Variants in ETFDH observed in about 807,000 individuals in gnomAD.
ETFDH encodes electron transfer flavoprotein-ubiquinone oxidoreductase, mitochondrial.
In ETFDH, 61 loss-of-function variants were observed where a neutral mutation model predicts 73.2. That is an observed-to-expected ratio of 0.83 (90% CI 0.68 to 1.03). ETFDH has a LOEUF of 1.03. ETFDH is among the 50% of genes least tolerant of loss of function. The pLI is 0.00. For missense variants in ETFDH, 685 were observed against 745.0 expected (o/e 0.92, Z 0.94); for synonymous variants, 243 against 253.3 (o/e 0.96, Z 0.39).
intron 5 of ETFDH, among the ~76,000 whole-genome samples, chr4:158,686,773 C>G (rs558028145): frequency 3.9e-5 from 6 of 152,078 alleles, no homozygotes; most frequent in Non-Finnish European, 7.4e-5. Context: ...GTTTCTGAGG[C>G]CTTCCAGTCT....
intron 1 of ETFDH, chr4:158,679,600 T>A (rs1773793271): frequency 6.6e-6 from 1 of 152,192 alleles, no homozygotes; most frequent in Admixed American, 6.5e-5. Context: ...TCTGTCTTTA[T>A]GAGGTTTGAT....
chr4:158,703,116 T>C (rs1412829472), intron 9 of ETFDH, among the ~76,000 whole-genome samples: 3 of 152,206 alleles, frequency 2.0e-5, no homozygotes, highest in African/African-American at 7.2e-5. Flanking sequence ...TGGATATGTG[T>C]AAATAAAACA....
intron 6 of ETFDH, among the ~76,000 whole-genome samples, chr4:158,694,525 C>T (rs1482110145): frequency 1.3e-5 from 2 of 150,168 alleles, no homozygotes; most frequent in African/African-American, 2.5e-5. Context: ...ACCCTGGAGG[C>T]GGAGGTTGCA....
chr4:158,706,348 A>T lies in ETFDH; in HGVS notation c.1445A>T (p.Glu482Val). 3 of 1,613,490 alleles carry T rather than the reference A, an allele frequency of 1.9e-6. No individual in the cohort carries two copies. Among genetic ancestry groups the T allele is most frequent in the Non-Finnish European group, 2.5e-6 (3 of 1,179,428 alleles). ...TTTTACTGGATATTGAGAGGAATGG[A>T]GCCGTGGACTCTGAAACATAAAGGT... is the stretch of plus-strand genomic sequence containing the variant. ...GIFYWILRGM[E>V]PWTLKHKGSD... The change falls in exon 11 of 13, where the codon GAG becomes GTG. Residue 482 changes from glutamate to valine, a missense_variant. By Grantham distance (121) the Glu-to-Val change is moderately radical. Coordinates refer to ENST00000511912, the MANE Select transcript of ETFDH (RefSeq NM_004453.4).
At chr4:158,694,032 G>A (rs1774246116) in intron 6 of ETFDH, among the ~76,000 whole-genome samples, 1 of 152,074 alleles carries the variant, frequency 6.6e-6, no homozygotes, top group Admixed American at 6.5e-5. Context: ...ACTCAATCTA[G>A]AATAGCTGGC....
intron 7 of ETFDH, among the ~76,000 whole-genome samples, chr4:158,696,842 G>A (rs1420221252): frequency 6.6e-6 from 1 of 152,174 alleles, no homozygotes; most frequent in Non-Finnish European, 1.5e-5. Flanking sequence ...TTTACATGGT[G>A]AACATATCCA....
chr4:158,684,331 A>G (rs1384491861), intron 3 of ETFDH, among the ~76,000 whole-genome samples: 1 of 151,484 alleles, frequency 6.6e-6, no homozygotes. Context: ...CAGAGGCTAC[A>G]GTGAGCTGAG....
In ETFDH at chr4:158,697,638, A is replaced by G. The variant is rs776108871; in HGVS notation, c.911A>G (p.Tyr304Cys). ...TVGWPLDRHT[Y>C]GGSFLYHLNE... ...GGTTGGCCCTTGGACAGACATACCTATGGAGGATCTTTCCTCTATCATTTG... is the reference window on the plus strand; with the variant it reads ...GGTTGGCCCTTGGACAGACATACCTGTGGAGGATCTTTCCTCTATCATTTG... Residue 304 changes from tyrosine (Y) to cysteine (C), a missense_variant, in exon 8 of 13, where the codon TAT (tyrosine) becomes TGT (cysteine). Physicochemically the swap from Tyr to Cys is radical, Grantham distance 194. Coordinates refer to ENST00000511912, the MANE Select transcript of ETFDH (RefSeq NM_004453.4). The G allele has an allele frequency of 6.2e-7, 1 of 1,613,414 alleles. No homozygotes were observed. Among genetic ancestry groups the G allele is most frequent in the South Asian group, 1.1e-5 (1 of 91,056 alleles).
chr4:158,703,556 A>C lies in ETFDH; in HGVS notation c.1250A>C (p.Gln417Pro). 1 of 1,608,346 alleles carries C rather than the reference A, an allele frequency of 6.2e-7. No homozygotes were observed. Among genetic ancestry groups the C allele is most frequent in the Non-Finnish European group, 8.5e-7 (1 of 1,174,888 alleles). ...TTAGCAGCAGAATCTATTTTTAATCAACTAACTAGTGAAAATCTCCAATCA... is the reference window on the plus strand; with the variant it reads ...TTAGCAGCAGAATCTATTTTTAATCCACTAACTAGTGAAAATCTCCAATCA... ...GILAAESIFNQLTSENLQSKT... is the reference protein window; with the variant it reads ...GILAAESIFNPLTSENLQSKT... Residue 417 changes from glutamine (Q) to proline (P), a missense_variant, in exon 10 of 13, where the codon CAA (glutamine) becomes CCA (proline). This residue lies in a region of ETFDH where 79 missense variants were observed against 120.5 expected (regional missense o/e 0.66). Transcript: ENST00000511912.
chr4:158,702,738 C>T (rs367778484), intron 9 of ETFDH, among the ~76,000 whole-genome samples: 9 of 152,100 alleles, frequency 5.9e-5, no homozygotes, highest in Non-Finnish European at 1.3e-4. Context: ...AGTTTGATTC[C>T]GTATCTTGGC....
rs777646291 is a variant in ETFDH, at chr4:158,695,537, C to T, written c.725C>T (p.Thr242Ile). 1 of 1,613,160 alleles carries T rather than the reference C, an allele frequency of 6.2e-7. No homozygotes were observed. Among genetic ancestry groups the T allele is most frequent in the East Asian group, 2.2e-5 (1 of 44,806 alleles). Residue 242 changes from threonine (T) to isoleucine (I), a missense_variant, in exon 7 of 13, where the codon ACA becomes ATA. Physicochemically the swap from Thr to Ile is moderately conservative, Grantham distance 89. Around this residue, in one of 3 missense-constraint regions of ETFDH, gnomAD observed 405 missense variants for 399.3 expected, o/e 1.01. Transcript: ENST00000511912. Reference sequence around the variant, plus strand: ...GGACTGGAACTACATGCTAAAGTCACAATTTTTGCAGAAGGTTGCCATGGA... The same window carrying T: ...GGACTGGAACTACATGCTAAAGTCATAATTTTTGCAGAAGGTTGCCATGGA... ...ERGLELHAKV[T>I]IFAEGCHGHL...
chr4:158,695,761 A>T, intron 7 of ETFDH, 118 bp downstream of exon 7: 1 of 742,762 alleles, frequency 1.3e-6, no homozygotes, highest in Middle Eastern at 3.5e-4. Context: ...TTGTCTTGAA[A>T]TGTTCATTAT....
intron 6 of ETFDH, among the ~76,000 whole-genome samples, chr4:158,695,291 G>A (rs939669953): frequency 2.0e-5 from 3 of 152,090 alleles, no homozygotes; most frequent in African/African-American, 7.2e-5. Flanking sequence ...ACAGTGACTT[G>A]AAAAGATTTC....
rs139584691 is a variant in ETFDH at position 158,706,035 on chromosome 4, C to T, written c.1286-154C>T. Among the ~76,000 whole-genome samples, 605 of 152,292 alleles carry T rather than the reference C, an allele frequency of 4.0e-3. 4 individuals carry two copies. Among genetic ancestry groups the T allele is most frequent in the African/African-American group, 0.014 (581 of 41,558 alleles). On this transcript the variant is annotated intron_variant, in intron 10 of 12. Transcript: ENST00000511912. Reference sequence around the variant, plus strand: ...GGTGGAGGTTGCAGTGAGCCATGATCACACCACTGTACTCCAACCTGGGTG... The same window carrying T: ...GGTGGAGGTTGCAGTGAGCCATGATTACACCACTGTACTCCAACCTGGGTG...
intron 6 of ETFDH, 41 bp from the exon 7 acceptor site, chr4:158,695,456 A>T (rs2150310928): frequency 6.4e-7 from 1 of 1,568,986 alleles, no homozygotes; most frequent in Admixed American, 1.7e-5. Flanking sequence ...ATGTATTTTA[A>T]ATTGTCAAAT....
At chr4:158,676,154 G>C (rs1054543261) in intron 1 of ETFDH, among the ~76,000 whole-genome samples, 1 of 152,212 alleles carries the variant, frequency 6.6e-6, no homozygotes, top group Non-Finnish European at 1.5e-5. Context: ...AAAACTTGGA[G>C]ACTGGGGATT....
In ETFDH at chr4:158,708,742, C is replaced by T. The variant is rs1774713799; in HGVS notation, c.*215C>T. On this transcript the variant is annotated 3_prime_UTR_variant, in exon 13 of 13. Transcript: ENST00000511912. ...TTATAAGAATGCAGCATCTTCCTAC[C>T]TCTTCAGTTCTTCAGAGATTCAGTA... is the stretch of plus-strand genomic sequence containing the variant. The T allele has an allele frequency of 4.0e-6, 2 of 500,060 alleles. No homozygotes were observed. Among genetic ancestry groups the T allele is most frequent in the Admixed American group, 6.8e-5 (2 of 29,212 alleles). 31.0% of individuals were successfully genotyped at this position (500,060 alleles called of 1,614,324 possible). A position where few individuals can be genotyped will look rare whatever the true frequency, so the allele number is the denominator to read the frequency against.
At chr4:158,685,298 GAAAT>G (rs1353335650) in intron 5 of ETFDH, 79 bp downstream of exon 5, 6 of 803,218 alleles carry the variant, frequency 7.5e-6, no homozygotes, top group Non-Finnish European at 8.7e-6. Flanking sequence ...TAAAGTTGAA[GAAAT>G]AAATATTTTT....
chr4:158,705,358 C>A (rs893527240), intron 10 of ETFDH, among the ~76,000 whole-genome samples: 1 of 152,190 alleles, frequency 6.6e-6, no homozygotes, highest in African/African-American at 2.4e-5. Context: ...GCCACTGTGC[C>A]CAGTTCTGTC....
Sources: gnomAD v4.1 joint callset for allele counts (sites outside exome capture counted in the v4.1 genomes callset) on GRCh38, gnomAD v4.1.1 for gene constraint, gnomAD v4.1.1 regional missense constraint, MANE v1.5 for transcripts, NCBI Gene and HGNC (gene_info 2026-07-23, HGNC 2026-07-21) for gene names.